Variants in MAPK9 observed in about 807,000 individuals in gnomAD.
The protein encoded by MAPK9 is mitogen-activated protein kinase 9, also known as Jun kinase.
MAPK9 carries 30 observed loss-of-function variants against 57.1 expected under a neutral mutation model. The ratio of observed to expected loss-of-function variants is 0.53; its 90% CI spans 0.39 to 0.71. The LOEUF (loss-of-function observed/expected upper bound fraction) is 0.71, where lower values mean the gene tolerates loss of function less well. Among genes scored for constraint, MAPK9 ranks in the 30% least tolerant of loss-of-function variants. The pLI, the probability that MAPK9 is intolerant of heterozygous loss-of-function variation, is 0.00. For missense variants in MAPK9, 362 were observed against 521.0 expected (o/e 0.69, Z 2.97); for synonymous variants, 155 against 177.0 (o/e 0.88, Z 0.99).
At chr5:180,256,541 T>C (rs916136093) in intron 5 of MAPK9, among the ~76,000 whole-genome samples, 9 of 152,174 alleles carry the variant, frequency 5.9e-5, no homozygotes, top group African/African-American at 2.2e-4. Flanking sequence ...GCCATGGATG[T>C]GGGAAGCAGC....
At chr5:180,261,544 T>C (rs2127595626) in intron 5 of MAPK9, 140 bp downstream of exon 5, 1 of 857,236 alleles carries the variant, frequency 1.2e-6, no homozygotes, top group East Asian at 2.9e-5. Flanking sequence ...CTAGAATGAC[T>C]CTCTTAAAAC....
At chr5:180,270,281 CTCT>C (rs2127607100) in intron 2 of MAPK9, among the ~76,000 whole-genome samples, 1 of 152,236 alleles carries the variant, frequency 6.6e-6, no homozygotes, top group East Asian at 1.9e-4. Context: ...TACATTTATT[CTCT>C]TCTATTAATG....
At chr5:180,255,862 GA>G (rs1206584345) in intron 5 of MAPK9, among the ~76,000 whole-genome samples, 14 of 152,176 alleles carry the variant, frequency 9.2e-5, no homozygotes, top group African/African-American at 3.1e-4. Flanking sequence ...TAAATGAACT[GA>G]AGGAGTTTGC....
chr5:180,258,697 C>T lies in MAPK9; in HGVS notation c.450+2987G>A, dbSNP rs150601413. ...CAGTCGGTTCAGTTACCTCCAAACACATGAGAGAACTCATACTGGAGAGAA... is the reference window on the plus strand; with the variant it reads ...CAGTCGGTTCAGTTACCTCCAAACATATGAGAGAACTCATACTGGAGAGAA... On this transcript the variant is annotated intron_variant, in intron 5 of 11. Coordinates refer to ENST00000452135, the MANE Select transcript of MAPK9 (RefSeq NM_002752.5). 2.9e-3 allele frequency among the ~76,000 whole-genome samples: 445 copies of T among 152,114 alleles called. 4 individuals carry two copies. The highest frequency in any genetic ancestry group is 9.9e-3 in the African/African-American group (412 of 41,484).
chr5:180,252,388 G>A (rs1163152152), intron 5 of MAPK9, among the ~76,000 whole-genome samples: 1 of 152,156 alleles, frequency 6.6e-6, no homozygotes, highest in Admixed American at 6.5e-5. Context: ...GTGGCCGTCT[G>A]GGGTCATTCT....
chr5:180,241,091 TAC>T lies in MAPK9; in HGVS notation c.934_935del (p.Val312ArgfsTer14). On this transcript the variant is annotated frameshift_variant, in exon 9 of 12. Transcript: ENST00000452135. LOFTEE classifies it high-confidence loss of function. ...LVIDPDKRIS[V>X]DEALRHPYIT... ...TGTATGGGTGACGCAGAGCTTCGTC[TAC>T]AGAGATCCGCTTGTCAGGATCAATC... The T allele has an allele frequency of 6.2e-7, 1 of 1,614,176 alleles. No homozygotes were observed. Among genetic ancestry groups the T allele is most frequent in the Non-Finnish European group, 8.5e-7 (1 of 1,180,006 alleles).
chr5:180,276,893 C>G (rs1761873340), intron 2 of MAPK9, among the ~76,000 whole-genome samples: 2 of 152,118 alleles, frequency 1.3e-5, no homozygotes, highest in South Asian at 4.2e-4. Flanking sequence ...AACTTATTTC[C>G]TAATAAATTT....
At chr5:180,241,541 C>T (rs1242930991) in intron 8 of MAPK9, among the ~76,000 whole-genome samples, 12 of 152,216 alleles carry the variant, frequency 7.9e-5, no homozygotes, top group African/African-American at 2.7e-4. Context: ...CCTCGTGATC[C>T]GCCTGCCTCA....
chr5:180,268,734 G>T (rs1466926513), intron 3 of MAPK9, among the ~76,000 whole-genome samples: 1 of 148,192 alleles, frequency 6.7e-6, no homozygotes, highest in Non-Finnish European at 1.5e-5. Flanking sequence ...GGCTGAGGCA[G>T]GAAAATGGCA....
At chr5:180,269,206 C>A in intron 3 of MAPK9, 74 bp downstream of exon 3, 1 of 1,466,928 alleles carries the variant, frequency 6.8e-7, no homozygotes, top group Non-Finnish European at 9.4e-7. Context: ...CTCAATGTAT[C>A]TCCAGAAAAC....
At chr5:180,272,270 T>C (rs991319121) in intron 2 of MAPK9, among the ~76,000 whole-genome samples, 1 of 152,220 alleles carries the variant, frequency 6.6e-6, no homozygotes, top group African/African-American at 2.4e-5. Flanking sequence ...AGATAGATGG[T>C]ATTGCTCTGC....
At chr5:180,277,279 T>C (rs563151013) in intron 2 of MAPK9, among the ~76,000 whole-genome samples, 15 of 152,360 alleles carry the variant, frequency 9.8e-5, no homozygotes, top group African/African-American at 3.4e-4. Context: ...ATGCATCTTA[T>C]GCCTCAAGAG....
intron 4 of MAPK9, among the ~76,000 whole-genome samples, chr5:180,262,445 T>G (rs1760078916): frequency 6.6e-6 from 1 of 152,048 alleles, no homozygotes; most frequent in Non-Finnish European, 1.5e-5. Context: ...TAAATTTTTT[T>G]GAGACAGGGT....
chr5:180,236,854 AT>A (rs1757213708), intron 11 of MAPK9: 1 of 175,350 alleles, frequency 5.7e-6, no homozygotes, highest in Admixed American at 6.2e-5. Context: ...ACACAGCTAT[AT>A]TTATCTGAAA....
intron 11 of MAPK9, 154 bp downstream of exon 11, chr5:180,238,178 G>A: frequency 1.9e-6 from 1 of 521,908 alleles, no homozygotes; most frequent in South Asian, 2.0e-5. Context: ...GCTGAGGCAG[G>A]AGAATTGCTT....
chr5:180,257,565 G>GT (rs1320423848), intron 5 of MAPK9: 9 of 152,302 alleles, frequency 5.9e-5, no homozygotes, highest in Admixed American at 3.9e-4. Context: ...TATTTTAATT[G>GT]TTTTTTAGAA....
chr5:180,260,753 T>C (rs752737729), intron 5 of MAPK9, among the ~76,000 whole-genome samples: 2 of 152,250 alleles, frequency 1.3e-5, no homozygotes, highest in Non-Finnish European at 2.9e-5. Context: ...TTAATTGTTC[T>C]GTAATATGTC....
intron 11 of MAPK9, 157 bp from the exon 12 acceptor site, chr5:180,236,683 ACTTTTC>A (rs1757200432): frequency 1.6e-6 from 1 of 638,566 alleles, no homozygotes; most frequent in Admixed American, 3.3e-5. Flanking sequence ...GACTTTCTGA[ACTTTTC>A]CTTGAGTCTT....
chr5:180,243,200 T>C (rs540936543), intron 7 of MAPK9, among the ~76,000 whole-genome samples: 3 of 152,312 alleles, frequency 2.0e-5, no homozygotes, highest in Non-Finnish European at 2.9e-5. Context: ...TCTGACCTCC[T>C]CAGTTTACAG....
Sources: allele counts gnomAD v4.1 joint callset (sites outside exome capture counted in the v4.1 genomes callset), GRCh38; gene constraint gnomAD v4.1.1; transcripts MANE v1.5; gene names NCBI Gene and HGNC (gene_info 2026-07-23, HGNC 2026-07-21).